SKAP2: variants seen among roughly 807,000 people sequenced by gnomAD.
The protein encoded by SKAP2 is src kinase associated phosphoprotein 2.
SKAP2 carries 28 observed loss-of-function variants against 54.9 expected under a neutral mutation model. The ratio of observed to expected loss-of-function variants is 0.51; its 90% confidence interval spans 0.38 to 0.70. The LOEUF (loss-of-function observed/expected upper bound fraction) is 0.70. Ranked by LOEUF, SKAP2 falls within the 30% of genes least tolerant of loss-of-function variation. SKAP2 has a pLI of 0.00. For missense variants in SKAP2, 356 were observed against 424.1 expected (o/e 0.84, Z 1.41); for synonymous variants, 137 against 134.3 (o/e 1.02, Z -0.14).
At position 26,826,624 on chromosome 7, in the gene SKAP2, T is replaced by C. The variant is rs188079218; in HGVS notation, c.307+17406A>G. Among the ~76,000 whole-genome samples, 302 of 152,344 alleles carry C rather than the reference T, an allele frequency of 2.0e-3. 2 individuals are homozygous for C. Among genetic ancestry groups the C allele is most frequent in the African/African-American group, 7.0e-3 (293 of 41,588 alleles). On this transcript the variant is annotated intron_variant, in intron 4 of 12. Coordinates refer to ENST00000345317, the MANE Select transcript of SKAP2 (RefSeq NM_003930.5). ...CTAGACCTGGTTCAAATGCCATTAA[T>C]GTTATCAAGTCTGTCTTTATTCCCA... is the stretch of plus-strand genomic sequence containing the variant.
At chr7:26,659,173 C>A in the SKAP2 span, among the ~76,000 whole-genome samples, 1 of 152,010 alleles carries the variant, frequency 6.6e-6, no homozygotes, top group African/African-American at 2.4e-5. Context: ...ACTTAAATTC[C>A]CATTCTAATA....
At chr7:26,796,600 G>C (rs1297025938) in intron 4 of SKAP2, among the ~76,000 whole-genome samples, 1 of 152,184 alleles carries the variant, frequency 6.6e-6, no homozygotes, top group Admixed American at 6.5e-5. Context: ...CTGCAGCTGT[G>C]GCTGCCTGCC....
At chr7:26,817,149 A>T (rs1049890150) in intron 4 of SKAP2, among the ~76,000 whole-genome samples, 1 of 152,146 alleles carries the variant, frequency 6.6e-6, no homozygotes. Flanking sequence ...TTGGGATAAA[A>T]AGCTGTTCAA....
At chr7:26,839,850 T>G (rs1784784967) in intron 4 of SKAP2, among the ~76,000 whole-genome samples, 2 of 152,062 alleles carry the variant, frequency 1.3e-5, no homozygotes, top group Non-Finnish European at 2.9e-5. Flanking sequence ...TAAGCCTGTT[T>G]TAGACACTTT....
chr7:26,842,098 T>C (rs1784828295), intron 4 of SKAP2, among the ~76,000 whole-genome samples: 1 of 151,810 alleles, frequency 6.6e-6, no homozygotes, highest in Non-Finnish European at 1.5e-5. Context: ...AGTGGTAGTT[T>C]AAAAATTAAT....
intron 3 of SKAP2, among the ~76,000 whole-genome samples, chr7:26,847,710 T>C (rs1460806025): frequency 2.0e-5 from 3 of 152,172 alleles, no homozygotes; most frequent in Admixed American, 1.3e-4. Flanking sequence ...AAAATGTCAG[T>C]GGTGCTGTGA....
At chr7:26,661,005 A>G in the SKAP2 span, among the ~76,000 whole-genome samples, 3 of 152,156 alleles carry the variant, frequency 2.0e-5, no homozygotes, top group Non-Finnish European at 4.4e-5. Context: ...TATACTTAAT[A>G]ATCTTAAATA....
At chr7:26,721,913 T>C (rs1365280210) in intron 9 of SKAP2, among the ~76,000 whole-genome samples, 2 of 152,198 alleles carry the variant, frequency 1.3e-5, no homozygotes, top group African/African-American at 4.8e-5. Context: ...TCCTCTGTAT[T>C]TCTAATGAAA....
At chr7:26,774,048 C>A (rs1783246146) in intron 4 of SKAP2, among the ~76,000 whole-genome samples, 1 of 152,154 alleles carries the variant, frequency 6.6e-6, no homozygotes, top group African/African-American at 2.4e-5. Flanking sequence ...CATGGTGGCT[C>A]ATGCCCATAA....
At chr7:26,748,977 T>C (rs1250567007) in intron 4 of SKAP2, among the ~76,000 whole-genome samples, 4 of 152,144 alleles carry the variant, frequency 2.6e-5, no homozygotes, top group Admixed American at 6.6e-5. Flanking sequence ...GGGCATACTA[T>C]GGAGAGCTAT....
chr7:26,810,970 A>ACC (rs1784130791), intron 4 of SKAP2, among the ~76,000 whole-genome samples: 1 of 151,728 alleles, frequency 6.6e-6, no homozygotes, highest in Admixed American at 6.6e-5. Context: ...ATGAGCCACC[A>ACC]CCCCCAGCCC....
intron 4 of SKAP2, among the ~76,000 whole-genome samples, chr7:26,743,514 A>G (rs1163915782): frequency 6.6e-6 from 1 of 152,164 alleles, no homozygotes; most frequent in East Asian, 1.9e-4. Flanking sequence ...TCCTAAGGGG[A>G]GAACAAAAAT....
chr7:26,714,596 A>C (rs1787391367), intron 9 of SKAP2, among the ~76,000 whole-genome samples: 2 of 152,158 alleles, frequency 1.3e-5, no homozygotes, highest in African/African-American at 4.8e-5. Flanking sequence ...CATTTTGTTG[A>C]ACTTGTTCAT....
At chr7:26,848,614 C>A (rs1476298777) in intron 3 of SKAP2, among the ~76,000 whole-genome samples, 3 of 152,058 alleles carry the variant, frequency 2.0e-5, no homozygotes, top group African/African-American at 4.8e-5. Flanking sequence ...TAAACCTGTA[C>A]CTAAAATCTG....
intron 4 of SKAP2, among the ~76,000 whole-genome samples, chr7:26,842,209 T>C (rs1395783376): frequency 1.3e-5 from 2 of 151,716 alleles, no homozygotes; most frequent in Admixed American, 1.3e-4. Flanking sequence ...TTTAATCTGC[T>C]CAAGAATTGC....
chr7:26,684,786 A>G lies in SKAP2; in HGVS notation c.937T>C (p.Ser313Pro). ...CCACGCTTAAATGACAACTCATCAG[A>G]AAAAGCTCCAGTACAATCCCACAAT... ...QGLWDCTGAF[S>P]DELSFKRGDV... The change falls in exon 11 of 13, where the codon TCT becomes CCT. Residue 313 changes from serine to proline, a missense_variant. By Grantham distance (74) the Ser-to-Pro change is moderately conservative. Coordinates refer to ENST00000345317, the MANE Select transcript of SKAP2 (RefSeq NM_003930.5). The G allele has an allele frequency of 3.1e-6, 5 of 1,613,138 alleles. No individual in the cohort carries two copies. The highest frequency in any genetic ancestry group is 4.2e-6 in the Non-Finnish European group (5 of 1,179,300).
chr7:26,683,675 A>G (rs1390028860), intron 11 of SKAP2, among the ~76,000 whole-genome samples: 2 of 152,170 alleles, frequency 1.3e-5, no homozygotes, highest in South Asian at 4.1e-4. Context: ...CTTTATCTAT[A>G]AAACCAAGAA....
rs578202333 is a variant in SKAP2 at position 26,685,134 on chromosome 7, G to C, written c.875-286C>G. Among the ~76,000 whole-genome samples, 14 of 152,146 alleles carry C rather than the reference G, an allele frequency of 9.2e-5. 1 individual carries two copies. In the South Asian group the frequency reaches 2.7e-3, roughly 29 times the overall value. On this transcript the variant is annotated intron_variant, in intron 10 of 12. Transcript: ENST00000345317. ...GCTGTCATCAAACCAGCACCTAAAA[G>C]TTGCTTCCCACTTATTTTAAATAAC...
At chr7:26,857,166 T>G (rs1785181649) in intron 1 of SKAP2, among the ~76,000 whole-genome samples, 2 of 150,902 alleles carry the variant, frequency 1.3e-5, no homozygotes, top group African/African-American at 4.8e-5. Flanking sequence ...TTTTTTTTTT[T>G]TTTTTAGAGT....
Sources: allele counts gnomAD v4.1 joint callset (sites outside exome capture counted in the v4.1 genomes callset), GRCh38; gene constraint gnomAD v4.1.1; transcripts MANE v1.5; gene names NCBI Gene and HGNC (gene_info 2026-07-23, HGNC 2026-07-21).